STPG2: variants seen among roughly 807,000 people sequenced by gnomAD.
STPG2 encodes sperm-tail PG-rich repeat-containing protein 2.
In STPG2, 56 loss-of-function variants were observed where a neutral mutation model predicts 54.2. The observed-to-expected ratio is 1.03, with a 90% CI of 0.83 to 1.29. The LOEUF (loss-of-function observed/expected upper bound fraction) is 1.29. Among genes scored for constraint, STPG2 ranks in the 50% most tolerant of loss-of-function variants. STPG2 has a pLI of 0.00. For synonymous variants in STPG2, 200 were observed against 181.8 expected (o/e 1.10, Z -0.81); for missense variants, 596 against 544.9 (o/e 1.09, Z -0.93).
intron 9 of STPG2, among the ~76,000 whole-genome samples, chr4:97,794,321 C>T (rs796392879): frequency 1.2e-4 from 19 of 152,174 alleles, no homozygotes; most frequent in African/African-American, 3.9e-4. Context: ...CAAGTTCAGA[C>T]AATGAAAGCT....
At chr4:97,543,295 CTT>C (rs2148863233) in intron 4 of STPG2, among the ~76,000 whole-genome samples, 1 of 151,756 alleles carries the variant, frequency 6.6e-6, no homozygotes, top group South Asian at 2.1e-4. Flanking sequence ...ATTTTTCTGA[CTT>C]ATTATTAAAG....
intron 5 of STPG2, among the ~76,000 whole-genome samples, chr4:98,003,341 G>T (rs140085612): frequency 6.6e-6 from 1 of 152,018 alleles, no homozygotes; most frequent in African/African-American, 2.4e-5. Flanking sequence ...AGTTGCTCAT[G>T]CTCTGTTGGA....
chr4:97,568,878 TCTTTC>T (rs1483647317), intron 10 of STPG2, among the ~76,000 whole-genome samples: 2 of 150,500 alleles, frequency 1.3e-5, no homozygotes, highest in Non-Finnish European at 3.0e-5. Flanking sequence ...TCTTTTCTTT[TCTTTC>T]TTTTGTTTTT....
chr4:98,138,818 C>A (rs1333382337), intron 1 of STPG2, among the ~76,000 whole-genome samples: 1 of 151,994 alleles, frequency 6.6e-6, no homozygotes, highest in Non-Finnish European at 1.5e-5. Flanking sequence ...AAAAAGAAAT[C>A]TGGGAAAGAA....
intron 5 of STPG2, among the ~76,000 whole-genome samples, chr4:98,074,787 T>C (rs903147582): frequency 6.6e-6 from 1 of 152,224 alleles, no homozygotes; most frequent in Non-Finnish European, 1.5e-5. Context: ...TTGATGTTTT[T>C]ATAAACTCAG....
intron 5 of STPG2, among the ~76,000 whole-genome samples, chr4:98,008,339 C>CTCT (rs1735634281): frequency 6.6e-6 from 1 of 151,838 alleles, no homozygotes; most frequent in Non-Finnish European, 1.5e-5. Flanking sequence ...ATTTTACAGC[C>CTCT]TGTCAGAATA....
intron 5 of STPG2, among the ~76,000 whole-genome samples, chr4:98,010,913 T>A (rs1020435785): frequency 2.6e-5 from 4 of 152,182 alleles, no homozygotes; most frequent in Non-Finnish European, 5.9e-5. Flanking sequence ...ATATTTTAAG[T>A]TATCCTACCC....
intron 10 of STPG2, among the ~76,000 whole-genome samples, chr4:97,589,155 A>C (rs1733073222): frequency 6.6e-6 from 1 of 152,060 alleles, no homozygotes; most frequent in South Asian, 2.1e-4. Context: ...TAAGGGATAA[A>C]ATGTAGTGAA....
chr4:97,740,626 A>C (rs1179255001), intron 9 of STPG2, among the ~76,000 whole-genome samples: 1 of 152,142 alleles, frequency 6.6e-6, no homozygotes, highest in Non-Finnish European at 1.5e-5. Flanking sequence ...CTTCAAAGAG[A>C]ATAAAATACC....
chr4:97,859,206 G>C (rs991606774), intron 8 of STPG2, among the ~76,000 whole-genome samples: 1 of 151,952 alleles, frequency 6.6e-6, no homozygotes, highest in African/African-American at 2.4e-5. Context: ...TTTGAGAGTT[G>C]TCTATTCATG....
At chr4:97,561,518 TG>T (rs1264260618) in intron 10 of STPG2, among the ~76,000 whole-genome samples, 2 of 152,198 alleles carry the variant, frequency 1.3e-5, no homozygotes. Flanking sequence ...ATGAAGTCCT[TG>T]CCCATGCCTA....
At chr4:98,021,534 T>C (rs940554592) in intron 5 of STPG2, among the ~76,000 whole-genome samples, 10 of 152,144 alleles carry the variant, frequency 6.6e-5, no homozygotes, top group African/African-American at 2.4e-4. Flanking sequence ...CTATTAGGTC[T>C]GCTTGGTGCA....
At chr4:97,600,965 G>A (rs879854023) in intron 10 of STPG2, among the ~76,000 whole-genome samples, 5 of 151,988 alleles carry the variant, frequency 3.3e-5, no homozygotes, top group Non-Finnish European at 4.4e-5. Flanking sequence ...AAATAACCTA[G>A]CAAAGTGAGG....
At chr4:97,569,524 G>A (rs1401990139) in intron 10 of STPG2, among the ~76,000 whole-genome samples, 1 of 151,746 alleles carries the variant, frequency 6.6e-6, no homozygotes, top group Non-Finnish European at 1.5e-5. Context: ...GAATCGCCTC[G>A]ATTCAAAGGC....
intron 4 of STPG2, among the ~76,000 whole-genome samples, chr4:97,505,654 T>C (rs1251681844): frequency 2.0e-5 from 3 of 151,940 alleles, no homozygotes; most frequent in South Asian, 2.1e-4. Flanking sequence ...TTTTGACACA[T>C]AGTGTGTAAC....
At chr4:97,807,336 G>C (rs1302624873) in intron 9 of STPG2, among the ~76,000 whole-genome samples, 1 of 151,700 alleles carries the variant, frequency 6.6e-6, no homozygotes, top group African/African-American at 2.4e-5. Context: ...AGCTCCTGAA[G>C]AAGAAAGAAT....
At chr4:97,946,708 T>C (rs1478386420) in intron 7 of STPG2, among the ~76,000 whole-genome samples, 2 of 152,158 alleles carry the variant, frequency 1.3e-5, no homozygotes, top group Non-Finnish European at 2.9e-5. Flanking sequence ...GTTGTAAATA[T>C]TTGGCTTTAT....
At chr4:97,792,515 TATATTA>T (rs1264167037) in intron 9 of STPG2, among the ~76,000 whole-genome samples, 1 of 152,198 alleles carries the variant, frequency 6.6e-6, no homozygotes, top group African/African-American at 2.4e-5. Flanking sequence ...GACAATAGCC[TATATTA>T]ATTGCTTCTA....
chr4:97,875,454 G>C (rs755899911), intron 8 of STPG2, among the ~76,000 whole-genome samples: 8 of 151,624 alleles, frequency 5.3e-5, no homozygotes, highest in Admixed American at 3.9e-4. Flanking sequence ...AATTCATCAT[G>C]ACATTAAATT....
Sources: gnomAD v4.1 joint callset for allele counts (sites outside exome capture counted in the v4.1 genomes callset) on GRCh38, gnomAD v4.1.1 for gene constraint, MANE v1.5 for transcripts, NCBI Gene and HGNC (gene_info 2026-07-23, HGNC 2026-07-21) for gene names.